The following BRD4 variants were observed in gnomAD, a reference collection of about 807,000 sequenced individuals.
BRD4 encodes the protein bromodomain containing 4, also known as bromodomain-containing protein 4.
Under a neutral mutation model 142.1 loss-of-function variants are expected in BRD4, and 16 were observed. That is an observed-to-expected ratio of 0.11 (90% CI 0.08 to 0.17). BRD4 has a LOEUF of 0.17. Ranked by LOEUF, BRD4 falls within the 10% of genes least tolerant of loss-of-function variation. BRD4 has a pLI of 1.00. For missense variants in BRD4, 1,424 were observed against 1,810.9 expected, an observed-to-expected ratio of 0.79 and a Z score of 3.88; for synonymous variants, 833 against 707.5, an observed-to-expected ratio of 1.18 and a Z score of -2.82.
intron 11 of BRD4, among the ~76,000 whole-genome samples, chr19:15,251,444 G>GGC: frequency 8.9e-6 from 1 of 111,802 alleles, no homozygotes; most frequent in Non-Finnish European, 1.9e-5. Flanking sequence ...AGAACGGGGG[G>GGC]GGGGGGGGGG....
chr19:15,276,165 T>A (rs2047644580), intron 1 of BRD4, among the ~76,000 whole-genome samples: 1 of 152,052 alleles, frequency 6.6e-6, no homozygotes, highest in East Asian at 1.9e-4. Context: ...TACAGGAAAG[T>A]AAGACCCTTG....
At chr19:15,254,392 G>T in intron 10 of BRD4, 130 bp from the exon 11 acceptor site, 1 of 726,026 alleles carries the variant, frequency 1.4e-6, no homozygotes, top group Non-Finnish European at 2.3e-6. Context: ...CCCAGGGGCT[G>T]CTCCCAACTG....
intron 1 of BRD4, among the ~76,000 whole-genome samples, chr19:15,291,556 C>T (rs2047781980): frequency 6.6e-6 from 1 of 152,094 alleles, no homozygotes; most frequent in Non-Finnish European, 1.5e-5. Flanking sequence ...TCATTGCCTC[C>T]GTATTATGCA....
intron 2 of BRD4, among the ~76,000 whole-genome samples, chr19:15,272,464 C>T (rs2047599112): frequency 6.6e-6 from 1 of 152,156 alleles, no homozygotes; most frequent in Non-Finnish European, 1.5e-5. Flanking sequence ...TCAACTATGT[C>T]CACACCTGAG....
At chr19:15,305,135 C>T (rs972139413) in intron 1 of BRD4, among the ~76,000 whole-genome samples, 13 of 151,538 alleles carry the variant, frequency 8.6e-5, no homozygotes, top group Non-Finnish European at 1.6e-4. Context: ...TCTCCCGCCT[C>T]AGCCTCCCGA....
chr19:15,311,817 A>G (rs2047973551), intron 1 of BRD4, among the ~76,000 whole-genome samples: 2 of 152,102 alleles, frequency 1.3e-5, no homozygotes, highest in African/African-American at 4.8e-5. Flanking sequence ...AAACAAACGA[A>G]AAATACTCAA....
intron 1 of BRD4, among the ~76,000 whole-genome samples, chr19:15,323,450 C>T (rs1484570160): frequency 6.6e-6 from 1 of 152,138 alleles, no homozygotes; most frequent in Non-Finnish European, 1.5e-5. Context: ...TAATGATCTG[C>T]TCCCACAAAA....
intron 1 of BRD4, among the ~76,000 whole-genome samples, chr19:15,327,255 A>C (rs1358288843): frequency 1.3e-5 from 2 of 152,110 alleles, no homozygotes; most frequent in Non-Finnish European, 2.9e-5. Context: ...CTGTACGCAA[A>C]AGGCCAGGCG....
At chr19:15,288,721 G>T (rs2047758905) in intron 1 of BRD4, among the ~76,000 whole-genome samples, 1 of 152,352 alleles carries the variant, frequency 6.6e-6, no homozygotes, top group East Asian at 1.9e-4. Flanking sequence ...AACGCCCGAG[G>T]GTGGCCACTA....
intron 6 of BRD4, 90 bp downstream of exon 6, chr19:15,264,314 C>A: frequency 2.7e-6 from 4 of 1,486,066 alleles, no homozygotes; most frequent in Non-Finnish European, 3.6e-6. Flanking sequence ...AGGGCCTGGG[C>A]TTCCTCTTGG....
intron 1 of BRD4, among the ~76,000 whole-genome samples, chr19:15,298,190 G>A (rs1359402978): frequency 6.6e-6 from 1 of 152,242 alleles, no homozygotes; most frequent in African/African-American, 2.4e-5. Flanking sequence ...ACAAACACGG[G>A]TGGAGGTCCA....
chr19:15,314,420 A>G (rs1036705366), intron 1 of BRD4, among the ~76,000 whole-genome samples: 1 of 152,160 alleles, frequency 6.6e-6, no homozygotes, highest in Non-Finnish European at 1.5e-5. Flanking sequence ...CCCAGATTAA[A>G]GCAAATTCAC....
intron 1 of BRD4, among the ~76,000 whole-genome samples, chr19:15,274,809 C>A (rs1045625421): frequency 1.1e-4 from 17 of 152,000 alleles, no homozygotes; most frequent in Non-Finnish European, 1.5e-5. Flanking sequence ...CCAGTGACCA[C>A]TCTTCTTCAC....
intron 1 of BRD4, among the ~76,000 whole-genome samples, chr19:15,273,343 C>T (rs1261441609): frequency 1.3e-5 from 2 of 152,114 alleles, no homozygotes; most frequent in South Asian, 4.1e-4. Context: ...GAGGAGACCA[C>T]AAACCAACAG....
chr19:15,265,958 C>T (rs977503885), intron 4 of BRD4, among the ~76,000 whole-genome samples: 2 of 152,138 alleles, frequency 1.3e-5, no homozygotes, highest in East Asian at 1.9e-4. Context: ...GGACAGAGAG[C>T]GGGAAAACAC....
chr19:15,320,518 A>T (rs2048052583), intron 1 of BRD4, among the ~76,000 whole-genome samples: 4 of 152,162 alleles, frequency 2.6e-5, no homozygotes, highest in Admixed American at 1.3e-4. Context: ...TGGAAGAGAG[A>T]CCTAATGTGA....
In BRD4 at chr19:15,244,715, T is replaced by C. The variant is rs2047270342; in HGVS notation, c.2206A>G (p.Lys736Glu). The change falls in exon 12 of 20, where the codon AAG becomes GAG. Residue 736 changes from lysine (K) to glutamate (E), a missense_variant. Coordinates refer to ENST00000679869, the MANE Select transcript of BRD4 (RefSeq NM_001379291.1). The part of the protein sequence containing the change: ...KKKGHPGREQ[K>E]KHHHHHHQQM... ...ATGCCCCTGAGCCCATGTACCTTCTTCTGCTCCCTCCCGGGGTGCCCCTTC... is the reference window on the plus strand; with the variant it reads ...ATGCCCCTGAGCCCATGTACCTTCTCCTGCTCCCTCCCGGGGTGCCCCTTC... 1 of 1,614,018 alleles carries C rather than the reference T, an allele frequency of 6.2e-7. No individual in the cohort carries two copies. The highest frequency in any genetic ancestry group is 1.3e-5 in the African/African-American group (1 of 74,908).
At chr19:15,267,303 G>A (rs1249593100) in intron 4 of BRD4, 113 bp downstream of exon 4, 42 of 1,324,714 alleles carry the variant, frequency 3.2e-5, no homozygotes, top group Non-Finnish European at 4.2e-5. Flanking sequence ...ACACCAACAC[G>A]GCATGCAGTA....
chr19:15,243,417 GGGCTTGGGAGGCAGGGCA>G lies in BRD4; in HGVS notation c.2634_2651del (p.Leu880_Ala885del). On this transcript the variant is annotated inframe_deletion, in exon 14 of 20. Transcript: ENST00000679869. The stretch of plus-strand genomic sequence containing the variant: ...CTGGTGACACGGCTGGGGGCCGGGC[GGGCTTGGGAGGCAGGGCA>G]GCGGCTCGGTTGCTGGGCCGTGATG... 1 of 1,570,892 alleles carries G rather than the reference GGGCTTGGGAGGCAGGGCA, an allele frequency of 6.4e-7. No individual in the cohort carries two copies. The highest frequency in any genetic ancestry group is 8.6e-7 in the Non-Finnish European group (1 of 1,161,108).
Sources: gnomAD v4.1 joint callset for allele counts (sites outside exome capture counted in the v4.1 genomes callset) on GRCh38, gnomAD v4.1.1 for gene constraint, MANE v1.5 for transcripts, NCBI Gene and HGNC (gene_info 2026-07-23, HGNC 2026-07-21) for gene names.